The following ATG16L1 variants were observed in gnomAD, a reference collection of about 807,000 sequenced individuals.
ATG16L1 encodes autophagy-related protein 16-1.
Under a neutral mutation model 88.5 loss-of-function variants are expected in ATG16L1, and 37 were observed. That is an observed-to-expected ratio of 0.42 (90% confidence interval 0.32 to 0.55). ATG16L1 has a LOEUF of 0.55. Among genes scored for constraint, ATG16L1 ranks in the 20% least tolerant of loss-of-function variants. The pLI is 0.13. For synonymous variants in ATG16L1, 301 were observed against 281.0 expected, an observed-to-expected ratio of 1.07 and a Z score of -0.71; for missense variants, 554 against 752.8, an observed-to-expected ratio of 0.74 and a Z score of 3.09.
chr2:233,292,077 T>G (rs757682083), intron 14 of ATG16L1, 51 bp from the exon 15 acceptor site: 19 of 1,592,504 alleles, frequency 1.2e-5, no homozygotes, highest in Non-Finnish European at 1.5e-5. Context: ...CGGCATGATG[T>G]GAAGTAGTTC....
At chr2:233,259,523 G>T (rs1697051410) in intron 2 of ATG16L1, among the ~76,000 whole-genome samples, 1 of 152,204 alleles carries the variant, frequency 6.6e-6, no homozygotes, top group South Asian at 2.1e-4. Flanking sequence ...TGGGAGTTTA[G>T]TTATGTGTTG....
intron 5 of ATG16L1, among the ~76,000 whole-genome samples, chr2:233,266,958 G>A (rs1697643426): frequency 6.6e-6 from 1 of 152,190 alleles, no homozygotes; most frequent in Non-Finnish European, 1.5e-5. Context: ...TATAACTGTG[G>A]TTACTAGAGC....
chr2:233,275,706 G>T, intron 9 of ATG16L1: 1 of 516,930 alleles, frequency 1.9e-6, no homozygotes, highest in Non-Finnish European at 3.9e-6. Context: ...GTGATTCCAT[G>T]ATGCACCGGG....
intron 14 of ATG16L1, among the ~76,000 whole-genome samples, chr2:233,291,203 G>A (rs1699440700): frequency 6.6e-6 from 1 of 152,146 alleles, no homozygotes; most frequent in South Asian, 2.1e-4. Context: ...GATAGATGAT[G>A]CTTTGAAACA....
At chr2:233,290,401 T>A (rs778390155) in intron 14 of ATG16L1, 48 bp downstream of exon 14, 1 of 1,428,080 alleles carries the variant, frequency 7.0e-7, no homozygotes, top group Admixed American at 1.7e-5. Flanking sequence ...GTCTCCACAG[T>A]AATGGTTCTG....
intron 14 of ATG16L1, among the ~76,000 whole-genome samples, chr2:233,291,640 G>A (rs1699469762): frequency 6.6e-6 from 1 of 152,156 alleles, no homozygotes; most frequent in African/African-American, 2.4e-5. Flanking sequence ...GCGTAGGGCC[G>A]TGGCTCTGCC....
At chr2:233,286,262 A>G (rs938378949) in intron 12 of ATG16L1, among the ~76,000 whole-genome samples, 2 of 152,186 alleles carry the variant, frequency 1.3e-5, no homozygotes, top group African/African-American at 2.4e-5. Flanking sequence ...GTTATCTGCC[A>G]TGAGGCACAG....
At chr2:233,253,228 G>A (rs1448054568) in intron 1 of ATG16L1, among the ~76,000 whole-genome samples, 2 of 151,342 alleles carry the variant, frequency 1.3e-5, no homozygotes, top group Admixed American at 6.6e-5. Context: ...CCAAAATTCT[G>A]TGTATGAAGC....
intron 2 of ATG16L1, among the ~76,000 whole-genome samples, chr2:233,256,643 A>G (rs951089565): frequency 2.8e-4 from 42 of 150,596 alleles, no homozygotes; most frequent in African/African-American, 1.0e-3. Context: ...TTTTTTCAAC[A>G]TACAAATGGT....
At chr2:233,279,302 G>A (rs1382384453) in intron 10 of ATG16L1, among the ~76,000 whole-genome samples, 3 of 152,148 alleles carry the variant, frequency 2.0e-5, no homozygotes, top group Admixed American at 1.3e-4. Flanking sequence ...TCCTTGGTCA[G>A]TAAAAACACC....
At chr2:233,262,532 C>G (rs779231362) in intron 2 of ATG16L1, among the ~76,000 whole-genome samples, 3 of 152,226 alleles carry the variant, frequency 2.0e-5, no homozygotes, top group Non-Finnish European at 2.9e-5. Context: ...AATACACCAC[C>G]TGCTGTACAC....
chr2:233,289,408 T>TGTGTGTGTGTGTGTGAGA (rs144316394), intron 12 of ATG16L1, among the ~76,000 whole-genome samples: 5 of 149,536 alleles, frequency 3.3e-5, no homozygotes. Flanking sequence ...TGTGTGTGTG[T>TGTGTGTGTGTGTGTGAGA]GACAGGATCT....
chr2:233,292,325 CT>C (rs759125398), intron 15 of ATG16L1, 48 bp downstream of exon 15: 3 of 1,610,414 alleles, frequency 1.9e-6, no homozygotes, highest in Non-Finnish European at 2.5e-6. Context: ...CCCAGCCCTG[CT>C]CTCTTAACGT....
At chr2:233,279,096 T>G (rs1410227850) in intron 10 of ATG16L1, among the ~76,000 whole-genome samples, 1 of 152,120 alleles carries the variant, frequency 6.6e-6, no homozygotes, top group African/African-American at 2.4e-5. Context: ...GAAGATCAAT[T>G]GAGCCCAGGA....
chr2:233,253,468 C>G (rs1696556967), intron 1 of ATG16L1, among the ~76,000 whole-genome samples: 1 of 151,278 alleles, frequency 6.6e-6, no homozygotes, highest in Admixed American at 6.6e-5. Flanking sequence ...GCCTCAGCCT[C>G]CCTAGTAGCT....
In ATG16L1 at chr2:233,263,323, T is replaced by TTGGCAGCA; in HGVS notation, c.315+89_315+96dup. ...GGAGCTCAGTCACTTCTCACCAGAA[T>TTGGCAGCA]TGGCAGCAGCCTTAGCCATATGTGG... On this transcript the variant is annotated intron_variant, in intron 3 of 17. Transcript: ENST00000392017. The TTGGCAGCA allele has an allele frequency of 5.8e-6, 7 of 1,208,970 alleles. No individual in the cohort carries two copies. In the South Asian group the frequency reaches 9.1e-5, roughly 16 times the overall value. 74.9% of individuals were successfully genotyped at this position (1,208,970 alleles called of 1,614,324 possible). A position where few individuals can be genotyped will look rare whatever the true frequency, so the allele number is the denominator to read the frequency against.
In ATG16L1 at chr2:233,265,131, A is replaced by G. The variant is rs1697477510; in HGVS notation, c.629A>G (p.Glu210Gly). The G allele has an allele frequency of 6.2e-7, 1 of 1,613,922 alleles. No individual in the cohort carries two copies. Among genetic ancestry groups the G allele is most frequent in the African/African-American group, 1.3e-5 (1 of 74,880 alleles). ...GCCAATCGGCTTAATGCAGAGAATG[A>G]AAAAGACTCCAGGTGGGCTATCAAT... ...QEANRLNAEN[E>G]KDSRRRQARL... Residue 210 changes from glutamate (E) to glycine (G), a missense_variant, in exon 5 of 18, where the codon GAA (glutamate) becomes GGA (glycine). Glu to Gly is a moderately conservative substitution (Grantham distance 98, BLOSUM62 -2). Transcript: ENST00000392017.
At position 233,270,018 on chromosome 2, in the gene ATG16L1, C is replaced by T. The variant is rs764831363; in HGVS notation, c.658C>T (p.Leu220=). 1.9e-6 allele frequency: 3 copies of T among 1,575,748 alleles called. No individual in the cohort carries two copies. Among genetic ancestry groups the T allele is most frequent in the South Asian group, 1.2e-5 (1 of 83,668 alleles). Residue 220 remains leucine (L), a synonymous_variant, in exon 6 of 18, where the codon CTG becomes TTG. Transcript: ENST00000392017. ...TCCCAACAGGAGGCGGCAAGCCCGGCTGCAGAAAGAGCTTGCAGAAGCAGC... is the reference window on the plus strand; with the variant it reads ...TCCCAACAGGAGGCGGCAAGCCCGGTTGCAGAAAGAGCTTGCAGAAGCAGC... ...EKDSRRRQAR[L]QKELAEAAKE... is the part of the protein sequence containing the mutation.
At chr2:233,292,070 C>A in intron 14 of ATG16L1, 58 bp from the exon 15 acceptor site, 1 of 1,579,032 alleles carries the variant, frequency 6.3e-7, no homozygotes, top group Non-Finnish European at 8.6e-7. Flanking sequence ...TCCTCCACGG[C>A]ATGATGTGAA....
Sources: allele counts gnomAD v4.1 joint callset (sites outside exome capture counted in the v4.1 genomes callset), GRCh38; gene constraint gnomAD v4.1.1; transcripts MANE v1.5; gene names NCBI Gene and HGNC (gene_info 2026-07-23, HGNC 2026-07-21).